FBH1: variants seen among roughly 807,000 people sequenced by gnomAD.
FBH1 encodes the protein F-box DNA helicase 1.
Under a neutral mutation model 115.5 loss-of-function variants are expected in FBH1, and 43 were observed. That is an observed-to-expected ratio of 0.37 (90% CI 0.29 to 0.48). The LOEUF (loss-of-function observed/expected upper bound fraction) is 0.48, where lower values mean the gene tolerates loss of function less well. Among genes scored for constraint, FBH1 ranks in the 20% least tolerant of loss-of-function variants. The probability of loss-of-function intolerance (pLI) is 0.99; values close to 1 mark genes in which losing one functional copy is unlikely to be tolerated. For missense variants in FBH1, 1,001 were observed against 1,337.3 expected (o/e 0.75, Z 3.92); for synonymous variants, 524 against 507.8 (o/e 1.03, Z -0.43).
intron 6 of FBH1, among the ~76,000 whole-genome samples, chr10:5,912,419 C>A (rs982444772): frequency 6.7e-6 from 1 of 149,500 alleles, no homozygotes; most frequent in South Asian, 2.1e-4. Context: ...CTGGGAAGGG[C>A]CTTGTCCCTG....
Position 5,915,668 on chromosome 10 carries a change from C to A in FBH1, c.1565+97C>A. The A allele has an allele frequency of 8.8e-7, 1 of 1,138,950 alleles. No homozygotes were observed. Among genetic ancestry groups the A allele is most frequent in the South Asian group, 1.4e-5 (1 of 69,372 alleles). The allele number at this position is 1,138,950 out of a possible 1,614,324, so 70.6% of individuals were successfully genotyped here. A position where few individuals can be genotyped will look rare whatever the true frequency, so the allele number is the denominator to read the frequency against. On this transcript the variant is annotated intron_variant, in intron 9 of 20. Transcript: ENST00000362091. This position sits in a 1 kb window ranked among gnomAD's most constrained non-coding sequence, Gnocchi z 5.2. ...CACATGTGAGCTTACACCACAGTGA[C>A]CCCGAGGAGTGTAGTGCTGTTATCT...
chr10:5,912,961 G>A (rs145751669), intron 6 of FBH1, among the ~76,000 whole-genome samples: 107 of 152,268 alleles, frequency 7.0e-4, no homozygotes, highest in Middle Eastern at 3.4e-3. Flanking sequence ...GGTATTTGTT[G>A]CATTGGAGAG....
chr10:5,927,228 C>T (rs1456763770), intron 18 of FBH1, among the ~76,000 whole-genome samples: 1 of 152,078 alleles, frequency 6.6e-6, no homozygotes, highest in African/African-American at 2.4e-5. Flanking sequence ...TAAATAAAAC[C>T]CGGTATTTTG....
At chr10:5,908,404 GAAGCTATAGT>G (rs2131940881) in intron 3 of FBH1, among the ~76,000 whole-genome samples, 1 of 152,270 alleles carries the variant, frequency 6.6e-6, no homozygotes, top group South Asian at 2.1e-4. Context: ...CAGGGAAACT[GAAGCTATAGT>G]TTTTCCCAGA....
At position 5,909,321 on chromosome 10, in the gene FBH1, C is replaced by T. The variant is rs372587322; in HGVS notation, c.1020+27C>T. 1.5e-4 allele frequency: 235 copies of T among 1,594,406 alleles called. No homozygotes were observed. In the South Asian group the frequency reaches 1.6e-3, roughly 11 times the overall value. ...TAGGTCTGGAGGCTGCGGGAGAAGG[C>T]GGCATGTTATTTCACTGGAGGAAAG... On this transcript the variant is annotated intron_variant, in intron 5 of 20. Transcript: ENST00000362091. The surrounding 1 kb of genome is among the most constrained non-coding windows in gnomAD (Gnocchi z 4.4).
rs762046577 is a variant in FBH1 at position 5,913,472 on chromosome 10, C to T, written c.1212-275C>T. Among the ~76,000 whole-genome samples, 2 of 152,292 alleles carry T rather than the reference C, an allele frequency of 1.3e-5. No individual in the cohort carries two copies. Among genetic ancestry groups the T allele is most frequent in the East Asian group, 3.9e-4 (2 of 5,176 alleles). On this transcript the variant is annotated intron_variant, in intron 6 of 20. Coordinates refer to ENST00000362091, the MANE Select transcript of FBH1 (RefSeq NM_178150.3). This position sits in a 1 kb window ranked among gnomAD's most constrained non-coding sequence, Gnocchi z 4.4. ...TCAGGTTGTTTGTCTCTTCAAGTCA[C>T]AGCTGGCGCCCCTCATTCCCTGAAG...
chr10:5,894,200 A>C (rs1842886547), intron 1 of FBH1: 1 of 985,316 alleles, frequency 1.0e-6, no homozygotes, highest in African/African-American at 1.7e-5. Flanking sequence ...TGCTTTCTGC[A>C]TTCGTTTCTT....
At position 5,921,091 on chromosome 10, in the gene FBH1, C is replaced by A. The variant is rs901733286; in HGVS notation, c.2101-167C>A. Among the ~76,000 whole-genome samples, 2 of 152,198 alleles carry A rather than the reference C, an allele frequency of 1.3e-5. No homozygotes were observed. The highest frequency in any genetic ancestry group is 6.5e-5 in the Admixed American group (1 of 15,280). ...TGAGAATAATGGAAAATAAAGACTGCTGAGTTGTGAAGGACCTTGAAAGTG... is the reference window on the plus strand; with the variant it reads ...TGAGAATAATGGAAAATAAAGACTGATGAGTTGTGAAGGACCTTGAAAGTG... On this transcript the variant is annotated intron_variant, in intron 13 of 20. Transcript: ENST00000362091. This position sits in a 1 kb window ranked among gnomAD's most constrained non-coding sequence, Gnocchi z 6.4.
chr10:5,915,184 C>G lies in FBH1; in HGVS notation c.1397-219C>G, dbSNP rs537297589. Among the ~76,000 whole-genome samples the G allele has an allele frequency of 6.6e-6, 1 of 152,326 alleles. No homozygotes were observed. Among genetic ancestry groups the G allele is most frequent in the Non-Finnish European group, 1.5e-5 (1 of 68,028 alleles). On this transcript the variant is annotated intron_variant, in intron 8 of 20. Coordinates refer to ENST00000362091, the MANE Select transcript of FBH1 (RefSeq NM_178150.3). The surrounding 1 kb of genome is among the most constrained non-coding windows in gnomAD (Gnocchi z 5.2). ...CAAGGGGTCCACCTGTCCTTTGCCC[C>G]TCGGCTGGAGCCTGCCCCAGCTGAG...
chr10:5,935,272 T>G lies in FBH1; in HGVS notation c.2830-1184T>G, dbSNP rs1280489857. The G allele has an allele frequency of 6.6e-6, 1 of 152,140 alleles. No homozygotes were observed. The highest frequency in any genetic ancestry group is 1.9e-4 in the East Asian group (1 of 5,190). The allele number at this position is 152,140 out of a possible 1,614,324, so 9.4% of individuals were successfully genotyped here. ...TGGAAATAGTTTGGAAACAACCGAGTAACCACAGCAAGGGAATGGGTAAAT... is the reference window on the plus strand; with the variant it reads ...TGGAAATAGTTTGGAAACAACCGAGGAACCACAGCAAGGGAATGGGTAAAT... On this transcript the variant is annotated intron_variant, in intron 19 of 20. Transcript: ENST00000362091. The surrounding 1 kb of genome is among the most constrained non-coding windows in gnomAD (Gnocchi z 5.2).
rs1285965508 is a variant in FBH1, at chr10:5,937,284, C to T, written c.*4C>T. ...CCTGCTCTTCCTCGTCTTCTGAGGACAAGGCGCACGTTCTCCGCAGTGCAG... is the reference window on the plus strand; with the variant it reads ...CCTGCTCTTCCTCGTCTTCTGAGGATAAGGCGCACGTTCTCCGCAGTGCAG... On this transcript the variant is annotated 3_prime_UTR_variant, in exon 21 of 21. Coordinates refer to ENST00000362091, the MANE Select transcript of FBH1 (RefSeq NM_178150.3). 5 of 1,594,182 alleles carry T rather than the reference C, an allele frequency of 3.1e-6. No individual in the cohort carries two copies. The South Asian group carries it at 3.4e-5, about 11-fold the overall frequency.
chr10:5,891,119 A>C (rs1842695048), intron 1 of FBH1: 2 of 985,134 alleles, frequency 2.0e-6, no homozygotes, highest in African/African-American at 1.7e-5. Flanking sequence ...AATTACAGGT[A>C]ATAAAGTCTT....
Position 5,935,281 on chromosome 10 carries a change from C to T in FBH1, c.2830-1175C>T, listed in dbSNP as rs1038462719. On this transcript the variant is annotated intron_variant, in intron 19 of 20. Transcript: ENST00000362091. The surrounding 1 kb of genome is among the most constrained non-coding windows in gnomAD (Gnocchi z 5.2). ...TTTGGAAACAACCGAGTAACCACAG[C>T]AAGGGAATGGGTAAATGAAATACAA... The T allele has an allele frequency of 3.3e-5, 5 of 152,174 alleles. No homozygotes were observed. The highest frequency in any genetic ancestry group is 1.2e-4 in the African/African-American group (5 of 41,412). 9.4% of individuals were successfully genotyped at this position (152,174 alleles called of 1,614,324 possible). A position where few individuals can be genotyped will look rare whatever the true frequency, so the allele number is the denominator to read the frequency against.
chr10:5,908,846 G>A (rs1831378570), intron 3 of FBH1, 79 bp from the exon 4 acceptor site: 1 of 1,510,558 alleles, frequency 6.6e-7, no homozygotes, highest in East Asian at 2.3e-5. Context: ...CCTGACCTCA[G>A]GCGATCTGCC....
In FBH1 at chr10:5,921,618, C is replaced by T. The variant is rs534362809; in HGVS notation, c.2322+49C>T. On this transcript the variant is annotated intron_variant, in intron 15 of 20. Transcript: ENST00000362091. This position sits in a 1 kb window ranked among gnomAD's most constrained non-coding sequence, Gnocchi z 6.4. Reference sequence around the variant, plus strand: ...ACTTCATGCACAGAAACGTTGTAGACGAACATACCCAATGGAAATGTTCAC... The same window carrying T: ...ACTTCATGCACAGAAACGTTGTAGATGAACATACCCAATGGAAATGTTCAC... 47 of 1,572,368 alleles carry T rather than the reference C, an allele frequency of 3.0e-5. No individual in the cohort carries two copies. The highest frequency in any genetic ancestry group is 1.4e-4 in the South Asian group (12 of 83,078).
rs1184434785 is a variant in FBH1 at position 5,925,689 on chromosome 10, C to T, written c.2722+197C>T. 6.6e-6 allele frequency among the ~76,000 whole-genome samples: 1 copy of T among 152,200 alleles called. No homozygotes were observed. Among genetic ancestry groups the T allele is most frequent in the Non-Finnish European group, 1.5e-5 (1 of 68,038 alleles). ...TGTGGTTTTTTAAAAAACAAAACTT[C>T]CTCAAGGTGCACCCCTCTGGGGGCT... is the stretch of plus-strand genomic sequence containing the variant. On this transcript the variant is annotated intron_variant, in intron 18 of 20. Coordinates refer to ENST00000362091, the MANE Select transcript of FBH1 (RefSeq NM_178150.3). The surrounding 1 kb of genome is among the most constrained non-coding windows in gnomAD (Gnocchi z 4.6).
chr10:5,892,075 G>GA (rs34683544), intron 1 of FBH1, among the ~76,000 whole-genome samples: 127,592 of 152,124 alleles, frequency 0.84, 53,750 homozygotes, highest in Admixed American at 0.88. Flanking sequence ...GTGATTTTCT[G>GA]GGCAAAAGCT....
rs1238742468 is a variant in FBH1 at position 5,921,273 on chromosome 10, G to T, written c.2116G>T (p.Val706Leu). The part of the protein sequence containing the change: ...FYLTQSFRFG[V>L]EIAYVGATIL... ...TTGTTTTCAGAGTTTTCGGTTTGGT[G>T]TGGAAATAGCTTATGTGGGAGCTAC... Residue 706 changes from valine (V) to leucine (L), a missense_variant, in exon 14 of 21, where the codon GTG (valine) becomes TTG (leucine). By Grantham distance (32) the Val-to-Leu change is conservative (BLOSUM62 1). Coordinates refer to ENST00000362091, the MANE Select transcript of FBH1 (RefSeq NM_178150.3). The surrounding 1 kb of genome is among the most constrained non-coding windows in gnomAD (Gnocchi z 6.4). 1 of 1,614,194 alleles carries T rather than the reference G, an allele frequency of 6.2e-7. No individual in the cohort carries two copies. Among genetic ancestry groups the T allele is most frequent in the East Asian group, 2.2e-5 (1 of 44,884 alleles).
intron 2 of FBH1, chr10:5,905,196 A>T (rs1409838605): frequency 6.6e-6 from 1 of 152,222 alleles, no homozygotes; most frequent in Non-Finnish European, 1.5e-5. Context: ...TTTAAAAATA[A>T]ATTAATGTGT....
Sources: gnomAD v4.1 joint callset for allele counts (sites outside exome capture counted in the v4.1 genomes callset) on GRCh38, gnomAD v4.1.1 for gene constraint, Gnocchi (gnomAD v3.1) non-coding constraint, MANE v1.5 for transcripts, NCBI Gene and HGNC (gene_info 2026-07-23, HGNC 2026-07-21) for gene names.